Variants in CHST11 observed in about 807,000 individuals in gnomAD.
CHST11 encodes the protein C4S-1.
In CHST11, 9 loss-of-function variants were observed where a neutral mutation model predicts 30.4. The observed-to-expected ratio is 0.30, with a 90% confidence interval of 0.18 to 0.52. The LOEUF (loss-of-function observed/expected upper bound fraction) is 0.52, where lower values mean the gene tolerates loss of function less well. CHST11 is among the 20% of genes least tolerant of loss of function. The pLI is 0.97. For synonymous variants in CHST11, 152 were observed against 187.8 expected (o/e 0.81, Z 1.56); for missense variants, 348 against 460.6 (o/e 0.76, Z 2.24).
intron 1 of CHST11, among the ~76,000 whole-genome samples, chr12:104,517,390 C>T (rs1418969007): frequency 6.6e-6 from 1 of 152,198 alleles, no homozygotes; most frequent in African/African-American, 2.4e-5. Flanking sequence ...GTGCCCTCTT[C>T]CTTCTGAAGC....
chr12:104,569,842 G>A (rs2038606451), intron 1 of CHST11, among the ~76,000 whole-genome samples: 1 of 152,182 alleles, frequency 6.6e-6, no homozygotes, highest in South Asian at 2.1e-4. Flanking sequence ...TCCCTTTTGA[G>A]GTTCAGTGTA....
At chr12:104,461,088 A>G (rs1039294242) in intron 1 of CHST11, among the ~76,000 whole-genome samples, 1 of 152,216 alleles carries the variant, frequency 6.6e-6, no homozygotes, top group African/African-American at 2.4e-5. Context: ...TGCCTGGTCA[A>G]TAACTCTGGC....
intron 1 of CHST11, among the ~76,000 whole-genome samples, chr12:104,463,161 C>A (rs1425593604): frequency 6.6e-6 from 1 of 152,154 alleles, no homozygotes; most frequent in Admixed American, 6.5e-5. Context: ...TTAAACCCAC[C>A]AAAAGGACCT....
intron 2 of CHST11, among the ~76,000 whole-genome samples, chr12:104,635,715 C>G (rs1285795075): frequency 6.6e-6 from 1 of 152,184 alleles, no homozygotes; most frequent in Non-Finnish European, 1.5e-5. Flanking sequence ...TTCATCAGTG[C>G]TGGTCTCATC....
chr12:104,727,602 G>A, intron 2 of CHST11, among the ~76,000 whole-genome samples: 1 of 152,226 alleles, frequency 6.6e-6, no homozygotes, highest in African/African-American at 2.4e-5. Context: ...CATGGTAGGT[G>A]TTCCTACATG....
At chr12:104,472,404 C>T (rs1426249621) in intron 1 of CHST11, among the ~76,000 whole-genome samples, 2 of 152,080 alleles carry the variant, frequency 1.3e-5, no homozygotes, top group Non-Finnish European at 2.9e-5. Context: ...CACACACACA[C>T]ACACACACCC....
At chr12:104,544,028 G>A (rs975085181) in intron 1 of CHST11, among the ~76,000 whole-genome samples, 8 of 151,758 alleles carry the variant, frequency 5.3e-5, no homozygotes, top group Non-Finnish European at 1.2e-4. Context: ...GGAGGCTGAG[G>A]CGGGAGGATG....
chr12:104,617,215 TC>T (rs1349890968), intron 2 of CHST11, among the ~76,000 whole-genome samples: 2 of 152,140 alleles, frequency 1.3e-5, no homozygotes, highest in Admixed American at 1.3e-4. Context: ...CTGGGTGGTG[TC>T]CCTGGAGTGA....
At chr12:104,687,355 G>A (rs1419698995) in intron 2 of CHST11, among the ~76,000 whole-genome samples, 3 of 152,226 alleles carry the variant, frequency 2.0e-5, no homozygotes, top group Non-Finnish European at 4.4e-5. Context: ...GGACAATACA[G>A]CAATAGTGAT....
At chr12:104,750,054 G>A (rs2040417033) in intron 2 of CHST11, among the ~76,000 whole-genome samples, 1 of 151,842 alleles carries the variant, frequency 6.6e-6, no homozygotes. Flanking sequence ...AAGTCGTGGT[G>A]CCTGTGTTCA....
At chr12:104,513,662 A>T (rs530544310) in intron 1 of CHST11, among the ~76,000 whole-genome samples, 6 of 152,142 alleles carry the variant, frequency 3.9e-5, no homozygotes, top group African/African-American at 1.4e-4. Context: ...CATAAGATGG[A>T]TGAGGCCCAG....
At chr12:104,544,723 G>A (rs1632143) in intron 1 of CHST11, among the ~76,000 whole-genome samples, 50,961 of 109,522 alleles carry the variant, frequency 0.47, 13,258 homozygotes, top group East Asian at 0.96. Context: ...AAAAAAAAAA[G>A]AAATCAGAAA....
chr12:104,631,549 ACCCT>A (rs72278412), intron 2 of CHST11, among the ~76,000 whole-genome samples: 2,010 of 152,026 alleles, frequency 0.013, 31 homozygotes, highest in African/African-American at 0.036. Context: ...TTCATGGGGG[ACCCT>A]CAGCCTGGCT....
intron 2 of CHST11, among the ~76,000 whole-genome samples, chr12:104,687,357 A>G (rs929516835): frequency 2.6e-5 from 4 of 152,256 alleles, no homozygotes; most frequent in African/African-American, 9.6e-5. Context: ...ACAATACAGC[A>G]ATAGTGATGG....
intron 2 of CHST11, among the ~76,000 whole-genome samples, chr12:104,681,826 T>C (rs923274904): frequency 2.1e-4 from 4 of 18,798 alleles, no homozygotes; most frequent in African/African-American, 5.7e-4. Context: ...TCTGTTTTGC[T>C]TTTTTTTTTT....
intron 2 of CHST11, among the ~76,000 whole-genome samples, chr12:104,692,729 G>T (rs958946469): frequency 6.6e-6 from 1 of 152,114 alleles, no homozygotes; most frequent in Non-Finnish European, 1.5e-5. Flanking sequence ...GGCCTCATAA[G>T]ATTCTCACAG....
chr12:104,658,865 T>C lies in CHST11; in HGVS notation c.204+56874T>C, dbSNP rs1056448552. ...ATAGGCTCTATTGCCGTTCTCATTGTATAAACAAGGGAACTGAGGCACAGA... is the reference window on the plus strand; with the variant it reads ...ATAGGCTCTATTGCCGTTCTCATTGCATAAACAAGGGAACTGAGGCACAGA... On this transcript the variant is annotated intron_variant, in intron 2 of 2. Coordinates refer to ENST00000303694, the MANE Select transcript of CHST11 (RefSeq NM_018413.6). Among the ~76,000 whole-genome samples the C allele has an allele frequency of 2.0e-4, 31 of 152,376 alleles. 4 individuals carry two copies. Among genetic ancestry groups the C allele is most frequent in the Admixed American group, 9.1e-4 (14 of 15,310 alleles).
chr12:104,520,173 T>G, intron 1 of CHST11, among the ~76,000 whole-genome samples: 1 of 152,192 alleles, frequency 6.6e-6, no homozygotes, highest in Non-Finnish European at 1.5e-5. Flanking sequence ...AGTTCACTGC[T>G]CATCAGCTGG....
intron 2 of CHST11, among the ~76,000 whole-genome samples, chr12:104,621,746 G>C (rs2039160844): frequency 6.6e-6 from 1 of 152,338 alleles, no homozygotes; most frequent in Non-Finnish European, 1.5e-5. Flanking sequence ...CTAACCCCTT[G>C]ACTTTAGGAC....
Sources: allele counts gnomAD v4.1 joint callset (sites outside exome capture counted in the v4.1 genomes callset), GRCh38; gene constraint gnomAD v4.1.1; transcripts MANE v1.5; gene names NCBI Gene and HGNC (gene_info 2026-07-23, HGNC 2026-07-21).